Variants in CHRM3 observed in about 807,000 individuals in gnomAD.
The protein encoded by CHRM3 is muscarinic acetylcholine receptor M3.
A neutral mutation model predicts 41.8 loss-of-function variants in CHRM3; 11 were observed. The ratio of observed to expected loss-of-function variants is 0.26; its 90% confidence interval spans 0.17 to 0.44. The LOEUF (loss-of-function observed/expected upper bound fraction) is 0.44, where lower values mean the gene tolerates loss of function less well. Among genes scored for constraint, CHRM3 ranks in the 20% least tolerant of loss-of-function variants. The probability of loss-of-function intolerance (pLI) is 1.00; values close to 1 mark genes in which losing one functional copy is unlikely to be tolerated. For synonymous variants in CHRM3, 297 were observed against 301.4 expected (o/e 0.99, Z 0.15); for missense variants, 571 against 745.4 (o/e 0.77, Z 2.72).
chr1:239,636,105 C>T (rs1345552885), intron 4 of CHRM3, among the ~76,000 whole-genome samples: 4 of 152,072 alleles, frequency 2.6e-5, no homozygotes, highest in South Asian at 2.1e-4. Context: ...TAATATTGGG[C>T]GACAGGGCTC....
chr1:239,562,878 ACT>A (rs1223467538), intron 3 of CHRM3, among the ~76,000 whole-genome samples: 5 of 146,126 alleles, frequency 3.4e-5, no homozygotes, highest in East Asian at 2.0e-4. Context: ...AAAGAGTGAA[ACT>A]CTGTCTCCAA....
chr1:239,520,715 G>A (rs1782351), intron 2 of CHRM3, among the ~76,000 whole-genome samples: 70,306 of 152,012 alleles, frequency 0.46, 17,055 homozygotes, highest in Middle Eastern at 0.63. Flanking sequence ...AGTCAAACCA[G>A]TGACTAAAAT....
At chr1:239,482,905 C>T (rs1019528895) in intron 1 of CHRM3, among the ~76,000 whole-genome samples, 1 of 152,096 alleles carries the variant, frequency 6.6e-6, no homozygotes, top group African/African-American at 2.4e-5. Context: ...TTTTGATATG[C>T]CTTTAATATT....
intron 6 of CHRM3, among the ~76,000 whole-genome samples, chr1:239,876,627 C>T (rs146868407): frequency 2.1e-4 from 32 of 152,330 alleles, no homozygotes; most frequent in Admixed American, 2.6e-4. Flanking sequence ...ATGGGATGCA[C>T]TGACTGCCGT....
chr1:239,791,840 A>T (rs1669376646), intron 5 of CHRM3, among the ~76,000 whole-genome samples: 1 of 152,230 alleles, frequency 6.6e-6, no homozygotes, highest in African/African-American at 2.4e-5. Context: ...AGCTGTGAAC[A>T]TGAGACAGCA....
chr1:239,824,403 A>G (rs555211747), intron 5 of CHRM3, among the ~76,000 whole-genome samples: 2 of 152,264 alleles, frequency 1.3e-5, no homozygotes, highest in African/African-American at 4.8e-5. Flanking sequence ...CCCAGTCCCA[A>G]TGTTCGATAC....
In CHRM3 at chr1:239,909,946, G is replaced by C. The variant is rs896088750; in HGVS notation, c.*722G>C. On this transcript the variant is annotated 3_prime_UTR_variant, in exon 7 of 7. Transcript: ENST00000676153. ...TGCAACATACGCTTTCAGTACTTTG[G>C]TAACTGAAGTTCTCTAGGATCCTAA... 6.0e-6 allele frequency: 1 copy of C among 166,990 alleles called. No homozygotes were observed. The highest frequency in any genetic ancestry group is 1.5e-5 in the Non-Finnish European group (1 of 68,112). 10.3% of individuals were successfully genotyped at this position (166,990 alleles called of 1,614,324 possible).
chr1:239,607,336 C>CA (rs537027618), intron 3 of CHRM3, among the ~76,000 whole-genome samples: 36 of 151,536 alleles, frequency 2.4e-4, no homozygotes, highest in East Asian at 3.9e-4. Flanking sequence ...GGCAACTGCA[C>CA]AAAAAAAATG....
At chr1:239,676,600 C>G (rs980087016) in intron 4 of CHRM3, among the ~76,000 whole-genome samples, 4 of 152,142 alleles carry the variant, frequency 2.6e-5, no homozygotes, top group African/African-American at 9.7e-5. Flanking sequence ...TCTTCAAGAA[C>G]CCTGGCATCA....
chr1:239,670,623 A>T (rs1674262704), intron 4 of CHRM3, among the ~76,000 whole-genome samples: 1 of 151,944 alleles, frequency 6.6e-6, no homozygotes, highest in African/African-American at 2.4e-5. Flanking sequence ...AGCCTCCCAG[A>T]TTCAAGAGAT....
In CHRM3 at chr1:239,485,532, G is replaced by A. The variant is rs371241505; in HGVS notation, c.-520-7177G>A. Among the ~76,000 whole-genome samples the A allele has an allele frequency of 3.3e-5, 5 of 151,998 alleles. No homozygotes were observed. The East Asian group carries it at 5.8e-4, about 18-fold the overall frequency. ...CTCCGGGCCTTAAGCGTTCCTCCTT[G>A]GCCTTTCAAAGTGGTGGGATTACAG... On this transcript the variant is annotated intron_variant, in intron 1 of 6. Coordinates refer to ENST00000676153, the MANE Select transcript of CHRM3 (RefSeq NM_001375978.1).
intron 5 of CHRM3, among the ~76,000 whole-genome samples, chr1:239,812,392 A>G (rs887159489): frequency 2.6e-5 from 4 of 152,194 alleles, no homozygotes; most frequent in Admixed American, 2.0e-4. Flanking sequence ...GGTACCTAAC[A>G]TCATTTGAGC....
intron 4 of CHRM3, among the ~76,000 whole-genome samples, chr1:239,633,289 G>A (rs754034348): frequency 4.6e-5 from 7 of 152,224 alleles, no homozygotes; most frequent in East Asian, 1.9e-4. Context: ...CTTACATAGC[G>A]GCAGGAGAGC....
At chr1:239,615,783 G>A (rs890979393) in intron 3 of CHRM3, among the ~76,000 whole-genome samples, 2 of 152,124 alleles carry the variant, frequency 1.3e-5, no homozygotes, top group African/African-American at 4.8e-5. Flanking sequence ...CCATGACTCG[G>A]ACCCAAAAGG....
chr1:239,847,865 T>C (rs1326994718), intron 6 of CHRM3, among the ~76,000 whole-genome samples: 1 of 151,032 alleles, frequency 6.6e-6, no homozygotes, highest in Non-Finnish European at 1.5e-5. Context: ...CAGTGAGCTG[T>C]GATCTCACCA....
At chr1:239,722,369 T>A (rs1266285941) in intron 5 of CHRM3, among the ~76,000 whole-genome samples, 1 of 151,924 alleles carries the variant, frequency 6.6e-6, no homozygotes, top group African/African-American at 2.4e-5. Context: ...CCTAGTTAGT[T>A]GCATGAACAG....
intron 2 of CHRM3, among the ~76,000 whole-genome samples, 161 bp downstream of exon 2, chr1:239,492,968 G>T (rs1667650429): frequency 1.3e-5 from 2 of 152,180 alleles, no homozygotes; most frequent in African/African-American, 4.8e-5. Flanking sequence ...CTTAAGAAAT[G>T]TAATAATCCT....
At chr1:239,862,343 C>T (rs1464136348) in intron 6 of CHRM3, among the ~76,000 whole-genome samples, 1 of 152,156 alleles carries the variant, frequency 6.6e-6, no homozygotes, top group Admixed American at 6.5e-5. Context: ...ACTTCTTGAA[C>T]AATCATCATC....
intron 1 of CHRM3, among the ~76,000 whole-genome samples, chr1:239,400,031 C>T (rs957142865): frequency 6.6e-5 from 10 of 152,136 alleles, no homozygotes; most frequent in African/African-American, 2.4e-4. Context: ...CCTGCCTCAG[C>T]CTCCCAAGTA....
Sources: gnomAD v4.1 joint callset for allele counts (sites outside exome capture counted in the v4.1 genomes callset) on GRCh38, gnomAD v4.1.1 for gene constraint, MANE v1.5 for transcripts, NCBI Gene and HGNC (gene_info 2026-07-23, HGNC 2026-07-21) for gene names.